Variants in ZNF613 observed in about 807,000 individuals in gnomAD.
ZNF613 encodes zinc finger protein 613.
ZNF613 carries 8 observed loss-of-function variants against 14.3 expected under a neutral mutation model. That is an observed-to-expected ratio of 0.56 (90% CI 0.33 to 1.01). The LOEUF is 1.01. Ranked by LOEUF, ZNF613 falls within the 50% of genes least tolerant of loss-of-function variation. The pLI is 0.03. For missense variants in ZNF613, 656 were observed against 741.9 expected, an observed-to-expected ratio of 0.88 and a Z score of 1.35; for synonymous variants, 228 against 254.5, an observed-to-expected ratio of 0.90 and a Z score of 0.99.
At chr19:51,937,440 G>C (rs1158022491) in intron 3 of ZNF613, among the ~76,000 whole-genome samples, 1 of 152,186 alleles carries the variant, frequency 6.6e-6, no homozygotes. Context: ...CACATTTGGT[G>C]TCAGAAATGT....
At chr19:51,928,366 C>T (rs757925650) in intron 1 of ZNF613, among the ~76,000 whole-genome samples, 4 of 152,172 alleles carry the variant, frequency 2.6e-5, no homozygotes, top group South Asian at 2.1e-4. Flanking sequence ...CGTGGAGAAG[C>T]TTGTGAAGGC....
intron 2 of ZNF613, among the ~76,000 whole-genome samples, chr19:51,932,271 C>T (rs926563475): frequency 5.4e-5 from 8 of 149,314 alleles, no homozygotes; most frequent in South Asian, 2.1e-4. Context: ...GAGTTGGTCA[C>T]GATCCCTTTG....
chr19:51,928,942 G>A (rs1187756041), intron 1 of ZNF613, among the ~76,000 whole-genome samples: 1 of 151,816 alleles, frequency 6.6e-6, no homozygotes, highest in Non-Finnish European at 1.5e-5. Context: ...AAAGATTTTC[G>A]TTCTTCTTCC....
chr19:51,938,864 G>A (rs1429429112), intron 3 of ZNF613, among the ~76,000 whole-genome samples: 11 of 151,182 alleles, frequency 7.3e-5, no homozygotes, highest in African/African-American at 2.7e-4. Flanking sequence ...TGTGATGGAT[G>A]AACAACAGAA....
intron 2 of ZNF613, among the ~76,000 whole-genome samples, chr19:51,931,013 T>TA (rs1211605648): frequency 2.0e-5 from 3 of 152,318 alleles, no homozygotes; most frequent in Middle Eastern, 3.4e-3. Context: ...TCTGGAGACT[T>TA]ATGTTGAGCC....
chr19:51,936,200 A>G lies in ZNF613; in HGVS notation c.-21A>G. The G allele has an allele frequency of 6.2e-7, 1 of 1,603,978 alleles. No individual in the cohort carries two copies. Among genetic ancestry groups the G allele is most frequent in the African/African-American group, 1.3e-5 (1 of 74,618 alleles). ...AGACACAGCATCCTACTTACTGGCT[A>G]TTTCCCAGTAACAAAAGAAAATGAT... On this transcript the variant is annotated 5_prime_UTR_variant, in exon 3 of 6. Transcript: ENST00000293471.
chr19:51,946,124 T>TTC lies in ZNF613; in HGVS notation c.*387_*388insTC, dbSNP rs2085400091. 1 of 178,572 alleles carries TTC rather than the reference T, an allele frequency of 5.6e-6. No homozygotes were observed. Among genetic ancestry groups the TTC allele is most frequent in the African/African-American group, 2.4e-5 (1 of 42,000 alleles). The allele number at this position is 178,572 out of a possible 1,614,324, so 11.1% of individuals were successfully genotyped here. ...GTTGCTAGTGGTACATTCTGCCTTA[T>TTC]CCTCAGAGGGAATCATATAGAAATA... is the stretch of plus-strand genomic sequence containing the variant. On this transcript the variant is annotated 3_prime_UTR_variant, in exon 6 of 6. Transcript: ENST00000293471.
At position 51,930,682 on chromosome 19, in the gene ZNF613, C is replaced by A. The variant is rs559044662; in HGVS notation, c.-194+786C>A. Among the ~76,000 whole-genome samples, 8 of 152,286 alleles carry A rather than the reference C, an allele frequency of 5.3e-5. No homozygotes were observed. The South Asian group carries it at 1.7e-3, about 32-fold the overall frequency. Reference sequence around the variant, plus strand: ...TGGCATCTTGTATTTATCCTTTCATCAGTTGATGGACTTTTGGGTTATTTC... The same window carrying A: ...TGGCATCTTGTATTTATCCTTTCATAAGTTGATGGACTTTTGGGTTATTTC... On this transcript the variant is annotated intron_variant, in intron 2 of 5. Coordinates refer to ENST00000293471, the MANE Select transcript of ZNF613 (RefSeq NM_001031721.4).
chr19:51,938,418 C>A (rs1323424086), intron 3 of ZNF613, among the ~76,000 whole-genome samples: 3 of 151,952 alleles, frequency 2.0e-5, no homozygotes, highest in Non-Finnish European at 2.9e-5. Flanking sequence ...CATGTGCCAC[C>A]ACATCCAGCT....
chr19:51,930,295 T>A (rs2085254253), intron 2 of ZNF613, among the ~76,000 whole-genome samples: 1 of 152,032 alleles, frequency 6.6e-6, no homozygotes, highest in Non-Finnish European at 1.5e-5. Context: ...AGAGTCTTAC[T>A]CTGTCACCCA....
rs369025535 is a variant in ZNF613 at position 51,927,530 on chromosome 19, C to G, written c.-369C>G. 6 of 150,880 alleles carry G rather than the reference C, an allele frequency of 4.0e-5. No homozygotes were observed. The highest frequency in any genetic ancestry group is 7.3e-5 in the African/African-American group (3 of 40,930). 9.3% of individuals were successfully genotyped at this position (150,880 alleles called of 1,614,324 possible). A position where few individuals can be genotyped will look rare whatever the true frequency, so the allele number is the denominator to read the frequency against. ...TTCTGGGAAGTCTCGGTGGGTTCCC[C>G]GCAAAATCAGGTCTGTGTGTGGGTC... On this transcript the variant is annotated 5_prime_UTR_variant, in exon 1 of 6. Coordinates refer to ENST00000293471, the MANE Select transcript of ZNF613 (RefSeq NM_001031721.4).
rs879800285 is a variant in ZNF613, at chr19:51,936,294, T to A, written c.15+59T>A. ...CACATGATTGATTTCTGGAAGACTTTAAAAGTCAGTTGAATTAAGTCAAAA... is the reference window on the plus strand; with the variant it reads ...CACATGATTGATTTCTGGAAGACTTAAAAAGTCAGTTGAATTAAGTCAAAA... On this transcript the variant is annotated intron_variant, in intron 3 of 5. Transcript: ENST00000293471. 3.2e-6 allele frequency: 5 copies of A among 1,540,652 alleles called. No individual in the cohort carries two copies. In the Admixed American group the frequency reaches 9.7e-5, roughly 30 times the overall value.
Position 51,945,280 on chromosome 19 carries a change from C to G in ZNF613, c.1397C>G (p.Ser466Ter). ...FVCTECGKSC[S>*]HKSGLINHQR... is the part of the protein sequence containing the mutation. ...TGTACTGAGTGTGGAAAATCCTGCT[C>G]ACACAAGTCAGGTCTCATTAACCAC... Residue 466 changes from serine (S) to a stop codon, truncating the protein, a stop_gained, in exon 6 of 6, where the codon TCA (serine) becomes TGA (stop). Transcript: ENST00000293471. LOFTEE classifies it low-confidence loss of function (END_TRUNC). The G allele has an allele frequency of 6.2e-7, 1 of 1,613,990 alleles. No individual in the cohort carries two copies. Among genetic ancestry groups the G allele is most frequent in the South Asian group, 1.1e-5 (1 of 91,072 alleles).
chr19:51,940,423 G>A, intron 4 of ZNF613, 88 bp downstream of exon 4: 1 of 1,601,876 alleles, frequency 6.2e-7, no homozygotes, highest in Non-Finnish European at 8.5e-7. Flanking sequence ...AGGGCCTGTG[G>A]TGCTCTGAAG....
chr19:51,944,328 T>A lies in ZNF613; in HGVS notation c.445T>A (p.Tyr149Asn), dbSNP rs781393843. The A allele has an allele frequency of 6.3e-7, 1 of 1,593,940 alleles. No homozygotes were observed. The highest frequency in any genetic ancestry group is 8.6e-7 in the Non-Finnish European group (1 of 1,166,292). Residue 149 changes from tyrosine to asparagine, a missense_variant, in exon 6 of 6, where the codon TAT (tyrosine) becomes AAT (asparagine). By Grantham distance (143) the Tyr-to-Asn change is moderately radical. Transcript: ENST00000293471. ...NLSLVNQNKR[Y>N]EIKNSVGVNG... ...AAGTTTAGTCAACCAGAACAAAAGGTATGAAATCAAGAATTCTGTGGGGGT... is the reference window on the plus strand; with the variant it reads ...AAGTTTAGTCAACCAGAACAAAAGGAATGAAATCAAGAATTCTGTGGGGGT...
At chr19:51,943,587 T>C (rs1406652728) in intron 5 of ZNF613, among the ~76,000 whole-genome samples, 1 of 152,244 alleles carries the variant, frequency 6.6e-6, no homozygotes, top group African/African-American at 2.4e-5. Context: ...GTTATAATTC[T>C]TCTATTTTAT....
chr19:51,931,679 AATC>A (rs2085265695), intron 2 of ZNF613, among the ~76,000 whole-genome samples: 4 of 152,184 alleles, frequency 2.6e-5, no homozygotes, highest in Non-Finnish European at 5.9e-5. Flanking sequence ...ACATAAAATT[AATC>A]ATTTTAAAGT....
At chr19:51,937,203 C>A (rs1369280715) in intron 3 of ZNF613, among the ~76,000 whole-genome samples, 1 of 152,186 alleles carries the variant, frequency 6.6e-6, no homozygotes, top group Non-Finnish European at 1.5e-5. Context: ...GATTATTGAA[C>A]CTCAAGGTGG....
In ZNF613 at chr19:51,940,687, A is replaced by T; in HGVS notation, c.213A>T (p.Glu71Asp). 1 of 1,613,244 alleles carries T rather than the reference A, an allele frequency of 6.2e-7. No homozygotes were observed. The highest frequency in any genetic ancestry group is 8.5e-7 in the Non-Finnish European group (1 of 1,179,568). ...EQGEPWTVEN[E>D]IHSQICPEIK... ...GAGAGCCATGGACAGTAGAAAATGA[A>T]ATCCACAGCCAAATCTGTCCAGGTG... The change falls in exon 5 of 6, where the codon GAA becomes GAT. Residue 71 changes from glutamate (E) to aspartate (D), a missense_variant. By Grantham distance (45) the Glu-to-Asp change is conservative. Coordinates refer to ENST00000293471, the MANE Select transcript of ZNF613 (RefSeq NM_001031721.4).
Sources: gnomAD v4.1 joint callset for allele counts (sites outside exome capture counted in the v4.1 genomes callset) on GRCh38, gnomAD v4.1.1 for gene constraint, MANE v1.5 for transcripts, NCBI Gene and HGNC (gene_info 2026-07-23, HGNC 2026-07-21) for gene names.